The following SYNE1 variants were observed in gnomAD, a reference collection of about 807,000 sequenced individuals.
SYNE1 encodes nesprin-1.
Under a neutral mutation model 1,111.0 loss-of-function variants are expected in SYNE1, and 616 were observed. The observed-to-expected ratio is 0.55, with a 90% confidence interval of 0.52 to 0.59. The LOEUF (loss-of-function observed/expected upper bound fraction) is 0.59, where lower values mean the gene tolerates loss of function less well. Among genes scored for constraint, SYNE1 ranks in the 20% least tolerant of loss-of-function variants. The pLI, the probability that SYNE1 is intolerant of heterozygous loss-of-function variation, is 0.00. For synonymous variants in SYNE1, 3,855 were observed against 3,825.8 expected, an observed-to-expected ratio of 1.01 and a Z score of -0.28; for missense variants, 10,006 against 10,417.0, an observed-to-expected ratio of 0.96 and a Z score of 1.72.
rs775553324 is a variant in SYNE1, at chr6:152,352,059, A to G, written c.11548T>C (p.Tyr3850His). The part of the protein sequence containing the change: ...HVPEEPKMEL[Y>H]EKKAQLSKYK... ...TTAGATAACTGAGCTTTTTTCTCAT[A>G]TAATTCCATTTTGGGTTCTTCAGGA... Residue 3850 changes from tyrosine (Y) to histidine (H), a missense_variant, in exon 70 of 146, where the codon TAT becomes CAT. Coordinates refer to ENST00000367255, the MANE Select transcript of SYNE1 (RefSeq NM_182961.4). The G allele has an allele frequency of 6.2e-7, 1 of 1,614,206 alleles. No homozygotes were observed. The highest frequency in any genetic ancestry group is 1.3e-5 in the African/African-American group (1 of 75,068).
chr6:152,122,761 T>G (rs2051740273), intron 145 of SYNE1, 85 bp from the exon 146 acceptor site: 1 of 1,597,304 alleles, frequency 6.3e-7, no homozygotes, highest in Non-Finnish European at 8.5e-7. Context: ...TCCTGGAAGC[T>G]AAAGGGCCAT....
chr6:152,253,989 A>G (rs989008463), intron 104 of SYNE1, among the ~76,000 whole-genome samples: 1 of 151,402 alleles, frequency 6.6e-6, no homozygotes, highest in African/African-American at 2.4e-5. Flanking sequence ...TTTTATTAGG[A>G]ATGAAAAATC....
At chr6:152,318,366 AATAATTCTACT>A (rs557133806) in intron 85 of SYNE1, 103 bp from the exon 86 acceptor site, 1 of 1,211,992 alleles carries the variant, frequency 8.3e-7, no homozygotes, top group Non-Finnish European at 1.2e-6. Flanking sequence ...TATTATAATG[AATAATTCTACT>A]ATAATTCTAC....
At chr6:152,327,384 TA>T (rs1323950665) in intron 78 of SYNE1, among the ~76,000 whole-genome samples, 1 of 151,088 alleles carries the variant, frequency 6.6e-6, no homozygotes, top group African/African-American at 2.4e-5. Context: ...AGCCACAGAG[TA>T]ATTTCTGGAA....
At chr6:152,347,939 C>T (rs1265558652) in intron 72 of SYNE1, among the ~76,000 whole-genome samples, 2 of 151,766 alleles carry the variant, frequency 1.3e-5, no homozygotes, top group African/African-American at 4.8e-5. Flanking sequence ...ATCTGCTGGC[C>T]TCGGCCTCCC....
At chr6:152,241,527 T>TGTGTGTGTGTGTGA (rs59737931) in intron 107 of SYNE1, among the ~76,000 whole-genome samples, 3,475 of 145,068 alleles carry the variant, frequency 0.024, 118 homozygotes, top group African/African-American at 0.066. Flanking sequence ...TGTGTGTGTG[T>TGTGTGTGTGTGTGA]GTGAAATACG....
intron 3 of SYNE1, among the ~76,000 whole-genome samples, chr6:152,540,769 A>T (rs1304094182): frequency 1.3e-5 from 2 of 152,220 alleles, no homozygotes; most frequent in African/African-American, 4.8e-5. Context: ...TCCTTTGCAG[A>T]GGGTCAATGG....
At position 152,151,567 on chromosome 6, in the gene SYNE1, T is replaced by C. The variant is rs2060429007; in HGVS notation, c.24436A>G (p.Ile8146Val). 7 of 1,614,066 alleles carry C rather than the reference T, an allele frequency of 4.3e-6. No individual in the cohort carries two copies. In the East Asian group the frequency reaches 1.6e-4, roughly 36 times the overall value. The change falls in exon 135 of 146, where the codon ATA becomes GTA. Residue 8146 changes from isoleucine (I) to valine (V), a missense_variant. By Grantham distance (29) the Ile-to-Val change is conservative. This residue lies in a region of SYNE1 where 34 missense variants were observed against 68.3 expected (regional missense o/e 0.50). Coordinates refer to ENST00000367255, the MANE Select transcript of SYNE1 (RefSeq NM_182961.4). ...TAATCTATTACCTTGAGTTGCTTTA[T>C]TTTAGCTTGAACATCACACTCAGAA... ...HFSECDVQAK[I>V]KQLKAFQQEI...
At chr6:152,462,454 C>T (rs2098739792) in intron 20 of SYNE1, 1 of 524,242 alleles carries the variant, frequency 1.9e-6, no homozygotes, top group South Asian at 3.1e-5. Flanking sequence ...GGTGCGGGTG[C>T]TATCTATAGA....
intron 2 of SYNE1, among the ~76,000 whole-genome samples, chr6:152,632,522 T>C (rs1229402379): frequency 1.3e-5 from 2 of 152,216 alleles, no homozygotes; most frequent in Non-Finnish European, 2.9e-5. Context: ...ATATCAGTTC[T>C]AGGCTAAACT....
At chr6:152,184,840 C>A (rs1335404372) in intron 128 of SYNE1, among the ~76,000 whole-genome samples, 1 of 152,226 alleles carries the variant, frequency 6.6e-6, no homozygotes. Flanking sequence ...TGGCATCTTC[C>A]TTCTGGTTTG....
intron 128 of SYNE1, among the ~76,000 whole-genome samples, chr6:152,186,136 C>T (rs2153222773): frequency 6.6e-6 from 1 of 152,234 alleles, no homozygotes; most frequent in Admixed American, 6.5e-5. Context: ...AATAATAACA[C>T]AATGCCACAT....
chr6:152,252,059 C>A (rs1273706844), intron 104 of SYNE1, among the ~76,000 whole-genome samples: 1 of 151,992 alleles, frequency 6.6e-6, no homozygotes, highest in African/African-American at 2.4e-5. Flanking sequence ...GACCTGAGGT[C>A]GGGAGTTCGA....
rs1347325569 is a variant in SYNE1 at position 152,520,522 on chromosome 6, C to A, written c.246G>T (p.Arg82=). 1 of 1,613,672 alleles carries A rather than the reference C, an allele frequency of 6.2e-7. No homozygotes were observed. The highest frequency in any genetic ancestry group is 8.5e-7 in the Non-Finnish European group (1 of 1,179,730). ...TAGCCACAGCATGGATTCGCTTCAT[C>A]CGGCGTCCTTGTTCACAAGGCTGTA... The part of the protein sequence containing the change: ...GQKLPCEQGR[R]MKRIHAVANI... Residue 82 remains arginine, a synonymous_variant, in exon 6 of 146, where the codon CGG becomes CGT. Transcript: ENST00000367255.
chr6:152,562,675 A>T (rs958683868), intron 3 of SYNE1, among the ~76,000 whole-genome samples: 1 of 152,190 alleles, frequency 6.6e-6, no homozygotes, highest in African/African-American at 2.4e-5. Context: ...GATAAGAGGG[A>T]TAGCATTAGG....
intron 10 of SYNE1, among the ~76,000 whole-genome samples, chr6:152,499,754 G>A (rs553293695): frequency 1.4e-4 from 21 of 152,214 alleles, no homozygotes; most frequent in African/African-American, 3.4e-4. Context: ...AAAAAAGGGC[G>A]AAGCTTCCAA....
chr6:152,202,650 A>C (rs1407352639), intron 126 of SYNE1, among the ~76,000 whole-genome samples: 1 of 152,192 alleles, frequency 6.6e-6, no homozygotes, highest in Non-Finnish European at 1.5e-5. Context: ...GGTATCCAAG[A>C]ATGTTATCTG....
intron 137 of SYNE1, chr6:152,144,033 G>T (rs1423776611): frequency 6.3e-6 from 3 of 478,560 alleles, no homozygotes; most frequent in Non-Finnish European, 1.1e-5. Context: ...TCGTGCACCT[G>T]ACCCTCTTCC....
rs372521049 is a variant in SYNE1 at position 152,358,921 on chromosome 6, C to T, written c.10444-384G>A. ...GGATTAAATTTTCCATAGTAGAATGCGCTCTGAAAAAGCATATTTATTTTC... is the reference window on the plus strand; with the variant it reads ...GGATTAAATTTTCCATAGTAGAATGTGCTCTGAAAAAGCATATTTATTTTC... On this transcript the variant is annotated intron_variant, in intron 65 of 145. Coordinates refer to ENST00000367255, the MANE Select transcript of SYNE1 (RefSeq NM_182961.4). Among the ~76,000 whole-genome samples the T allele has an allele frequency of 1.4e-3, 209 of 152,168 alleles. 1 individual carries two copies. The highest frequency in any genetic ancestry group is 4.7e-3 in the African/African-American group (197 of 41,544).
Sources: allele counts gnomAD v4.1 joint callset (sites outside exome capture counted in the v4.1 genomes callset), GRCh38; gene constraint gnomAD v4.1.1; regional missense constraint gnomAD v4.1.1; transcripts MANE v1.5; gene names NCBI Gene and HGNC (gene_info 2026-07-23, HGNC 2026-07-21).